Variants in DRGX observed in about 807,000 individuals in gnomAD.
DRGX encodes dorsal root ganglia homeobox, also known as dorsal root ganglia homeobox protein.
A neutral mutation model predicts 28.6 loss-of-function variants in DRGX; 21 were observed. The ratio of observed to expected loss-of-function variants is 0.73; its 90% CI spans 0.52 to 1.06. The LOEUF (loss-of-function observed/expected upper bound fraction) is 1.06, where lower values mean the gene tolerates loss of function less well. Among genes scored for constraint, DRGX ranks in the 50% least tolerant of loss-of-function variants. The pLI is 0.00. For synonymous variants in DRGX, 136 were observed against 139.1 expected, an observed-to-expected ratio of 0.98 and a Z score of 0.16; for missense variants, 354 against 343.9, an observed-to-expected ratio of 1.03 and a Z score of -0.23.
intron 6 of DRGX, among the ~76,000 whole-genome samples, chr10:49,382,102 G>A (rs772281053): frequency 1.8e-4 from 28 of 152,118 alleles, no homozygotes; most frequent in Non-Finnish European, 1.8e-4. Context: ...ACTACTTGCT[G>A]GGGAGCAGCA....
Position 49,375,283 on chromosome 10 carries a change from A to G in DRGX, c.527-8902T>C, listed in dbSNP as rs989837161. On this transcript the variant is annotated intron_variant, in intron 6 of 6. Coordinates refer to ENST00000374139, the MANE Select transcript of DRGX (RefSeq NM_001276451.2). The stretch of plus-strand genomic sequence containing the variant: ...CTTGATGTATGTGCCTCCCAGATCC[A>G]ATCTCACAGCCCTGATTGCAGAACA... 2.6e-5 allele frequency among the ~76,000 whole-genome samples: 4 copies of G among 152,230 alleles called. No homozygotes were observed. The South Asian group carries it at 8.3e-4, about 31-fold the overall frequency.
At chr10:49,387,730 G>A (rs1308919702) in intron 4 of DRGX, among the ~76,000 whole-genome samples, 1 of 152,018 alleles carries the variant, frequency 6.6e-6, no homozygotes, top group African/African-American at 2.4e-5. Context: ...ATCTAGCCAT[G>A]GCCTAGAATT....
At chr10:49,395,274 G>C in intron 2 of DRGX, 133 bp downstream of exon 2, 1 of 1,084,384 alleles carries the variant, frequency 9.2e-7, no homozygotes, top group Non-Finnish European at 1.3e-6. Flanking sequence ...GTCCAGGGAG[G>C]CCCCTACTCA....
chr10:49,394,443 A>G (rs1477662261), intron 2 of DRGX, among the ~76,000 whole-genome samples: 2 of 152,180 alleles, frequency 1.3e-5, no homozygotes, highest in African/African-American at 4.8e-5. Flanking sequence ...CACCACAATA[A>G]TAAATCAAAC....
intron 1 of DRGX, 70 bp from the exon 2 acceptor site, chr10:49,395,591 C>T: frequency 1.2e-6 from 1 of 862,218 alleles, no homozygotes; most frequent in Admixed American, 2.2e-5. Context: ...CTAGGGCGCA[C>T]CCGGCGCTCC....
At chr10:49,368,545 T>A (rs1849622941) in intron 6 of DRGX, among the ~76,000 whole-genome samples, 1 of 152,228 alleles carries the variant, frequency 6.6e-6, no homozygotes, top group Non-Finnish European at 1.5e-5. Context: ...GAGACTCTCA[T>A]GGGAGATGAC....
At chr10:49,372,771 T>C (rs1013665639) in intron 6 of DRGX, among the ~76,000 whole-genome samples, 2 of 152,236 alleles carry the variant, frequency 1.3e-5, no homozygotes, top group African/African-American at 2.4e-5. Flanking sequence ...CAGCACTGTG[T>C]GCCTACCCTG....
intron 6 of DRGX, among the ~76,000 whole-genome samples, chr10:49,369,178 A>C (rs1007818775): frequency 2.6e-5 from 4 of 152,190 alleles, no homozygotes; most frequent in Non-Finnish European, 5.9e-5. Context: ...AGCAGACCCC[A>C]AGAAAGCTAC....
intron 6 of DRGX, among the ~76,000 whole-genome samples, chr10:49,368,240 A>G (rs567057336): frequency 6.6e-6 from 1 of 152,366 alleles, no homozygotes; most frequent in East Asian, 1.9e-4. Flanking sequence ...AGATGGGACC[A>G]GAACCTCCTG....
chr10:49,390,267 G>A (rs766101408), intron 3 of DRGX, 33 bp from the exon 4 acceptor site: 60 of 1,568,746 alleles, frequency 3.8e-5, no homozygotes, highest in Non-Finnish European at 5.1e-5. Flanking sequence ...ACTGGTGAGA[G>A]GCTGTGGCTA....
intron 6 of DRGX, among the ~76,000 whole-genome samples, chr10:49,371,539 C>T (rs538457280): frequency 6.6e-6 from 1 of 152,246 alleles, no homozygotes; most frequent in African/African-American, 2.4e-5. Context: ...CACCTGTAAT[C>T]CCAGCACTTT....
intron 2 of DRGX, 122 bp downstream of exon 2, chr10:49,395,285 C>T: frequency 7.9e-7 from 1 of 1,268,712 alleles, no homozygotes; most frequent in Non-Finnish European, 1.1e-6. Context: ...CCCCTACTCA[C>T]CGGCAGGCGG....
At chr10:49,385,516 C>T (rs1849822438) in intron 6 of DRGX, among the ~76,000 whole-genome samples, 1 of 152,184 alleles carries the variant, frequency 6.6e-6, no homozygotes, top group Admixed American at 6.5e-5. Flanking sequence ...TCTAGGGAGA[C>T]TCCATCATAT....
At position 49,373,333 on chromosome 10, in the gene DRGX, G is replaced by A. The variant is rs1234355737; in HGVS notation, c.527-6952C>T. Among the ~76,000 whole-genome samples the A allele has an allele frequency of 9.2e-5, 14 of 152,220 alleles. No individual in the cohort carries two copies. In the East Asian group the frequency reaches 2.7e-3, roughly 29 times the overall value. ...AATGAAATAAGACATTTAAAAAATA[G>A]GTAAAAGAGCAGTAAATAAACAATA... On this transcript the variant is annotated intron_variant, in intron 6 of 6. Transcript: ENST00000374139.
intron 4 of DRGX, among the ~76,000 whole-genome samples, chr10:49,388,822 C>T (rs1295345377): frequency 6.6e-6 from 1 of 151,724 alleles, no homozygotes; most frequent in Non-Finnish European, 1.5e-5. Flanking sequence ...AAACACATCT[C>T]CCTTCCCACC....
intron 6 of DRGX, among the ~76,000 whole-genome samples, chr10:49,367,970 C>T (rs1368767293): frequency 6.6e-6 from 1 of 152,212 alleles, no homozygotes; most frequent in Non-Finnish European, 1.5e-5. Context: ...GCTACACCAG[C>T]TTTTCCAGCA....
At chr10:49,388,904 G>C (rs971706584) in intron 4 of DRGX, among the ~76,000 whole-genome samples, 1 of 151,952 alleles carries the variant, frequency 6.6e-6, no homozygotes, top group Admixed American at 6.6e-5. Context: ...CTGCATAATA[G>C]CCAACAACAG....
intron 6 of DRGX, among the ~76,000 whole-genome samples, chr10:49,369,234 G>A (rs1192873296): frequency 6.6e-6 from 1 of 152,174 alleles, no homozygotes; most frequent in African/African-American, 2.4e-5. Flanking sequence ...TGGAAGTTAA[G>A]AGGAATAAAT....
At position 49,366,516 on chromosome 10, in the gene DRGX, A is replaced by C. The variant is rs367660045; in HGVS notation, c.527-135T>G. 4.6e-6 allele frequency: 6 copies of C among 1,295,768 alleles called. No individual in the cohort carries two copies. In the East Asian group the frequency reaches 7.6e-5, roughly 16 times the overall value. The allele number at this position is 1,295,768 out of a possible 1,614,324, so 80.3% of individuals were successfully genotyped here. A position where few individuals can be genotyped will look rare whatever the true frequency, so the allele number is the denominator to read the frequency against. On this transcript the variant is annotated intron_variant, in intron 6 of 6. Coordinates refer to ENST00000374139, the MANE Select transcript of DRGX (RefSeq NM_001276451.2). ...GGTGCCAGATACTAAAGGGAGAAGG[A>C]CAAGTGCTCAGAACCTCAAAGACAC...
Sources: gnomAD v4.1 joint callset for allele counts (sites outside exome capture counted in the v4.1 genomes callset) on GRCh38, gnomAD v4.1.1 for gene constraint, MANE v1.5 for transcripts, NCBI Gene and HGNC (gene_info 2026-07-23, HGNC 2026-07-21) for gene names.